CEP112: variants seen among roughly 807,000 people sequenced by gnomAD.
CEP112 encodes centrosomal protein 112.
A neutral mutation model predicts 153.0 loss-of-function variants in CEP112; 127 were observed. That is an observed-to-expected ratio of 0.83 (90% confidence interval 0.72 to 0.96). CEP112 has a LOEUF of 0.96. Among genes scored for constraint, CEP112 ranks in the 40% least tolerant of loss-of-function variants. The pLI, the probability that CEP112 is intolerant of heterozygous loss-of-function variation, is 0.00. For missense variants in CEP112, 1,089 were observed against 1,101.2 expected (o/e 0.99, Z 0.16); for synonymous variants, 358 against 374.4 (o/e 0.96, Z 0.51).
At chr17:65,970,771 TTACA>T (rs1422397343) in intron 17 of CEP112, among the ~76,000 whole-genome samples, 1 of 55,086 alleles carries the variant, frequency 1.8e-5, no homozygotes, top group East Asian at 8.8e-3. Flanking sequence ...ATGTTACATG[TTACA>T]TGCATGCATA....
chr17:66,179,861 C>T (rs1331112861), intron 2 of CEP112, among the ~76,000 whole-genome samples: 1 of 152,070 alleles, frequency 6.6e-6, no homozygotes, highest in Non-Finnish European at 1.5e-5. Context: ...AGGACTGTTA[C>T]TTTGATACCC....
At chr17:65,743,619 CAG>C (rs915136249) in intron 22 of CEP112, among the ~76,000 whole-genome samples, 2 of 152,094 alleles carry the variant, frequency 1.3e-5, no homozygotes, top group African/African-American at 4.8e-5. Context: ...AAATAATGAA[CAG>C]AGTTTATTCT....
rs532223650 is a variant in CEP112, at chr17:65,655,223, C to T, written c.2698-14158G>A. On this transcript the variant is annotated intron_variant, in intron 24 of 26. Transcript: ENST00000535342. ...ACTGGCGCTTGTTGCAACCTAAACA[C>T]TTTTGAAGTCATCCCGGAGAATACG... is the stretch of plus-strand genomic sequence containing the variant. 3 of 851,210 alleles carry T rather than the reference C, an allele frequency of 3.5e-6. No individual in the cohort carries two copies. In the Admixed American group the frequency reaches 5.1e-5, roughly 15 times the overall value. The allele number at this position is 851,210 out of a possible 1,614,324, so 52.7% of individuals were successfully genotyped here. A position where few individuals can be genotyped will look rare whatever the true frequency, so the allele number is the denominator to read the frequency against.
chr17:65,962,522 T>C (rs1016842929), intron 17 of CEP112, among the ~76,000 whole-genome samples: 12 of 152,338 alleles, frequency 7.9e-5, no homozygotes, highest in African/African-American at 2.9e-4. Context: ...AGCCTTCAGT[T>C]TATAAATGCA....
At chr17:65,860,290 T>A (rs1328882772) in intron 20 of CEP112, among the ~76,000 whole-genome samples, 1 of 152,022 alleles carries the variant, frequency 6.6e-6, no homozygotes, top group Non-Finnish European at 1.5e-5. Flanking sequence ...TTGAAAGACA[T>A]AAAAGGAAGA....
intron 22 of CEP112, among the ~76,000 whole-genome samples, chr17:65,745,921 T>G (rs908402846): frequency 2.6e-5 from 4 of 151,898 alleles, no homozygotes; most frequent in Non-Finnish European, 4.4e-5. Context: ...ACAAAATAAT[T>G]CAGGTTTTGA....
In CEP112 at chr17:65,927,603, G is replaced by A; in HGVS notation, c.1959C>T (p.Ile653=). The change falls in exon 19 of 27, where the codon ATC becomes ATT. Residue 653 remains isoleucine (I), a synonymous_variant. Coordinates refer to ENST00000535342, the MANE Select transcript of CEP112 (RefSeq NM_001199165.4). ...CAACCTGTTGTTCATACCGCTGTCT[G>A]ATGTCCTCCAGTTGCCATAAAAACT... The part of the protein sequence containing the change: ...SKEFLWQLED[I]RQRYEQQIVE... The A allele has an allele frequency of 4.4e-6, 7 of 1,600,020 alleles. No individual in the cohort carries two copies. The highest frequency in any genetic ancestry group is 6.0e-6 in the Non-Finnish European group (7 of 1,175,176).
chr17:66,170,942 C>T (rs916544132), intron 4 of CEP112, among the ~76,000 whole-genome samples: 8 of 152,074 alleles, frequency 5.3e-5, no homozygotes, highest in Non-Finnish European at 1.2e-4. Flanking sequence ...CAGGACAGGA[C>T]TACTAGCTAA....
At chr17:65,869,963 GA>G (rs923116134) in intron 20 of CEP112, among the ~76,000 whole-genome samples, 2 of 137,276 alleles carry the variant, frequency 1.5e-5, no homozygotes, top group South Asian at 2.3e-4. Flanking sequence ...CTAATGTCAA[GA>G]AAAAAAAATT....
intron 23 of CEP112, among the ~76,000 whole-genome samples, chr17:65,697,389 TTTC>T (rs1347527623): frequency 6.6e-6 from 1 of 152,222 alleles, no homozygotes; most frequent in Non-Finnish European, 1.5e-5. Flanking sequence ...GCTGATAATA[TTTC>T]TGATGAGTAG....
intron 8 of CEP112, among the ~76,000 whole-genome samples, chr17:66,084,467 T>C (rs1397211124): frequency 6.6e-6 from 1 of 152,138 alleles, no homozygotes; most frequent in Non-Finnish European, 1.5e-5. Flanking sequence ...CACAATGGAG[T>C]ACTACCCAGC....
At chr17:66,148,495 G>A (rs11079644) in intron 4 of CEP112, among the ~76,000 whole-genome samples, 20,693 of 152,058 alleles carry the variant, frequency 0.14, 1,813 homozygotes, top group Non-Finnish European at 0.2. Context: ...ATGAATACAG[G>A]ATGTTTTTCA....
chr17:66,101,116 C>T (rs968601501), intron 6 of CEP112, among the ~76,000 whole-genome samples: 5 of 151,932 alleles, frequency 3.3e-5, no homozygotes, highest in East Asian at 1.9e-4. Flanking sequence ...TTAAACTTTA[C>T]GAATATTTTT....
At chr17:65,826,924 C>G (rs529519128) in intron 21 of CEP112, among the ~76,000 whole-genome samples, 6 of 152,214 alleles carry the variant, frequency 3.9e-5, no homozygotes, top group African/African-American at 1.4e-4. Flanking sequence ...AGTCAGTGGA[C>G]TGGGAGAGGC....
At chr17:66,019,448 C>G (rs1026103120) in intron 16 of CEP112, among the ~76,000 whole-genome samples, 1 of 152,078 alleles carries the variant, frequency 6.6e-6, no homozygotes, top group Non-Finnish European at 1.5e-5. Context: ...GACATCAAAA[C>G]TCCAAGGCTT....
Position 66,129,814 on chromosome 17 carries a change from A to G in CEP112, c.574T>C (p.Ser192Pro). Residue 192 changes from serine (S) to proline (P), a missense_variant, in exon 6 of 27, where the codon TCG becomes CCG. By Grantham distance (74) the Ser-to-Pro change is moderately conservative. Transcript: ENST00000535342. Reference sequence around the variant, plus strand: ...TCCAAAGAAACAGGAGATTTTTTCGAATAAACTTCCTGAAATACAAAAGGG... The same window carrying G: ...TCCAAAGAAACAGGAGATTTTTTCGGATAAACTTCCTGAAATACAAAAGGG... ...NITPKICEVY[S>P]KKSPVSLDDS... 1 of 1,608,326 alleles carries G rather than the reference A, an allele frequency of 6.2e-7. No homozygotes were observed. The highest frequency in any genetic ancestry group is 1.1e-5 in the South Asian group (1 of 90,538).
intron 20 of CEP112, 25 bp downstream of exon 20, chr17:65,902,127 T>C: frequency 6.4e-7 from 1 of 1,568,076 alleles, no homozygotes. Context: ...AGATACCCGT[T>C]TTATCAAATA....
intron 18 of CEP112, among the ~76,000 whole-genome samples, chr17:65,937,573 G>A (rs1435707621): frequency 1.2e-4 from 12 of 102,440 alleles, no homozygotes; most frequent in Middle Eastern, 9.2e-3. Context: ...AGGTGGGGGG[G>A]GTCAGCCCCC....
chr17:65,887,670 C>G (rs537604930), intron 20 of CEP112, among the ~76,000 whole-genome samples: 1 of 152,148 alleles, frequency 6.6e-6, no homozygotes, highest in Non-Finnish European at 1.5e-5. Context: ...AATATTCTCA[C>G]GCAAGATCAG....
Sources: gnomAD v4.1 joint callset for allele counts (sites outside exome capture counted in the v4.1 genomes callset) on GRCh38, gnomAD v4.1.1 for gene constraint, MANE v1.5 for transcripts, NCBI Gene and HGNC (gene_info 2026-07-23, HGNC 2026-07-21) for gene names.